The following CLASP1 variants were observed in gnomAD, a reference collection of about 807,000 sequenced individuals.
CLASP1 encodes the protein CLIP-associating protein 1.
In CLASP1, 38 loss-of-function variants were observed where a neutral mutation model predicts 192.3. The ratio of observed to expected loss-of-function variants is 0.20; its 90% confidence interval spans 0.15 to 0.26. The LOEUF (loss-of-function observed/expected upper bound fraction) is 0.26, where lower values mean the gene tolerates loss of function less well. CLASP1 is among the 10% of genes least tolerant of loss of function. CLASP1 has a pLI of 1.00. For missense variants in CLASP1, 1,433 were observed against 1,932.5 expected (o/e 0.74, Z 4.85); for synonymous variants, 691 against 712.8 (o/e 0.97, Z 0.49).
chr2:121,547,121 G>A (rs2057517790), intron 2 of CLASP1, among the ~76,000 whole-genome samples: 2 of 152,134 alleles, frequency 1.3e-5, no homozygotes, highest in Non-Finnish European at 2.9e-5. Context: ...GTGGCCAGAC[G>A]GTTATGTGGG....
At chr2:121,648,202 T>C (rs752491654) in intron 1 of CLASP1, among the ~76,000 whole-genome samples, 1 of 152,164 alleles carries the variant, frequency 6.6e-6, no homozygotes, top group Non-Finnish European at 1.5e-5. Context: ...TAAATAATCG[T>C]AGTAATAAAA....
chr2:121,461,158 GT>G lies in CLASP1; in HGVS notation c.974del (p.Asn325ThrfsTer18). ...CATCAGATAATATTTCCCTAATTTT[GT>G]TTATGGATTCCTCAAGGTCTCGGCT... On this transcript the variant is annotated frameshift_variant, in exon 11 of 40. Transcript: ENST00000263710. LOFTEE classifies it high-confidence loss of function. 1 of 1,604,776 alleles carries G rather than the reference GT, an allele frequency of 6.2e-7. No individual in the cohort carries two copies. The highest frequency in any genetic ancestry group is 1.7e-5 in the Admixed American group (1 of 57,882).
chr2:121,343,871 G>C (rs1310702224), intron 39 of CLASP1, among the ~76,000 whole-genome samples: 2 of 152,112 alleles, frequency 1.3e-5, no homozygotes, highest in Non-Finnish European at 2.9e-5. Flanking sequence ...GAGAGTTCGA[G>C]ACCAGCCTGA....
intron 22 of CLASP1, among the ~76,000 whole-genome samples, chr2:121,424,742 A>C (rs1402173887): frequency 6.6e-6 from 1 of 152,244 alleles, no homozygotes; most frequent in Non-Finnish European, 1.5e-5. Flanking sequence ...CAGAATTAAA[A>C]TAAATGTGGA....
intron 22 of CLASP1, among the ~76,000 whole-genome samples, chr2:121,420,960 C>A (rs147161974): frequency 2.6e-5 from 4 of 152,196 alleles, no homozygotes; most frequent in Non-Finnish European, 4.4e-5. Context: ...TACCCCCCTC[C>A]GGTATTTCAC....
intron 2 of CLASP1, among the ~76,000 whole-genome samples, chr2:121,576,371 A>T (rs1391433585): frequency 2.0e-5 from 3 of 152,238 alleles, no homozygotes; most frequent in Admixed American, 2.0e-4. Context: ...AACAAAACAC[A>T]TCATCTAGTG....
At position 121,562,554 on chromosome 2, in the gene CLASP1, A is replaced by G. The variant is rs547202251; in HGVS notation, c.196-32229T>C. Among the ~76,000 whole-genome samples the G allele has an allele frequency of 6.6e-5, 10 of 152,334 alleles. 1 individual carries two copies. In the South Asian group the frequency reaches 1.9e-3, roughly 28 times the overall value. On this transcript the variant is annotated intron_variant, in intron 2 of 39. Transcript: ENST00000263710. ...AGAGTCCTATGACTCCCTCCATAAA[A>G]TCAACTGAGTAGAATACTGAACAGC...
At chr2:121,516,900 A>G (rs987193529) in intron 6 of CLASP1, among the ~76,000 whole-genome samples, 5 of 152,170 alleles carry the variant, frequency 3.3e-5, no homozygotes, top group Admixed American at 6.5e-5. Context: ...GTGGTGGTGC[A>G]TGCACCTGTA....
chr2:121,594,332 G>A (rs2062844552), intron 2 of CLASP1, among the ~76,000 whole-genome samples: 1 of 151,726 alleles, frequency 6.6e-6, no homozygotes. Flanking sequence ...TGCTATAAAG[G>A]ACATTAGCAT....
chr2:121,575,890 C>A (rs974500943), intron 2 of CLASP1, among the ~76,000 whole-genome samples: 1 of 152,198 alleles, frequency 6.6e-6, no homozygotes, highest in Non-Finnish European at 1.5e-5. Flanking sequence ...GAAGGAGACA[C>A]AGTTAAATGT....
At chr2:121,475,049 G>T (rs578170184) in intron 8 of CLASP1, among the ~76,000 whole-genome samples, 1 of 152,136 alleles carries the variant, frequency 6.6e-6, no homozygotes, top group South Asian at 2.1e-4. Context: ...ACAGTACAGG[G>T]GTCAAATCAC....
intron 7 of CLASP1, chr2:121,504,060 A>G (rs931698901): frequency 6.6e-6 from 1 of 152,114 alleles, no homozygotes; most frequent in Non-Finnish European, 1.5e-5. Context: ...GTGAAATCCC[A>G]TCTCTACTAA....
chr2:121,351,539 A>G (rs555206224), intron 37 of CLASP1, among the ~76,000 whole-genome samples: 1 of 152,258 alleles, frequency 6.6e-6, no homozygotes, highest in Admixed American at 6.5e-5. Flanking sequence ...TACCTCCCTC[A>G]AGTCTTTCTT....
At chr2:121,632,884 G>A (rs552763114) in intron 1 of CLASP1, among the ~76,000 whole-genome samples, 2 of 144,204 alleles carry the variant, frequency 1.4e-5, no homozygotes, top group South Asian at 2.2e-4. Context: ...CAGCAAGAGT[G>A]AAACTCCATC....
At chr2:121,445,443 T>A in intron 19 of CLASP1, 1 of 1,288,848 alleles carries the variant, frequency 7.8e-7, no homozygotes, top group Non-Finnish European at 1.0e-6. Flanking sequence ...CTGTCGAGCA[T>A]GGTACCTGAG....
At chr2:121,351,826 G>A (rs1263603068) in intron 37 of CLASP1, among the ~76,000 whole-genome samples, 2 of 152,192 alleles carry the variant, frequency 1.3e-5, no homozygotes, top group Non-Finnish European at 2.9e-5. Context: ...GGTCAGGCTC[G>A]AGGACGAAGC....
chr2:121,642,729 C>G (rs2072376566), intron 1 of CLASP1, among the ~76,000 whole-genome samples: 1 of 151,942 alleles, frequency 6.6e-6, no homozygotes, highest in Non-Finnish European at 1.5e-5. Context: ...GAGACCCTGT[C>G]CCAAAAAAAA....
chr2:121,418,704 G>C, exon 23 of CLASP1: 1 of 1,613,744 alleles, frequency 6.2e-7, no homozygotes, highest in Non-Finnish European at 8.5e-7. Flanking sequence ...GACTCATGCT[G>C]GGTCGAGGGA....
intron 2 of CLASP1, among the ~76,000 whole-genome samples, chr2:121,541,366 A>G (rs2095230004): frequency 6.6e-6 from 1 of 152,174 alleles, no homozygotes; most frequent in African/African-American, 2.4e-5. Context: ...TCTCACAATA[A>G]TCCTGAGATA....
Sources: gnomAD v4.1 joint callset for allele counts (sites outside exome capture counted in the v4.1 genomes callset) on GRCh38, gnomAD v4.1.1 for gene constraint, MANE v1.5 for transcripts, NCBI Gene and HGNC (gene_info 2026-07-23, HGNC 2026-07-21) for gene names.